DNAJC5: variants seen among roughly 807,000 people sequenced by gnomAD.
The protein encoded by DNAJC5 is dnaJ homolog subfamily C member 5.
A neutral mutation model predicts 23.2 loss-of-function variants in DNAJC5; 1 was observed. The observed-to-expected ratio is 0.04, with a 90% CI of 0.02 to 0.20. The LOEUF is 0.20. Ranked by LOEUF, DNAJC5 falls within the 10% of genes least tolerant of loss-of-function variation. The pLI, the probability that DNAJC5 is intolerant of heterozygous loss-of-function variation, is 1.00. For missense variants in DNAJC5, 180 were observed against 267.0 expected, an observed-to-expected ratio of 0.67 and a Z score of 2.27; for synonymous variants, 136 against 120.0, an observed-to-expected ratio of 1.13 and a Z score of -0.87.
At chr20:63,907,483 A>T (rs576588993) in intron 1 of DNAJC5, among the ~76,000 whole-genome samples, 5 of 152,278 alleles carry the variant, frequency 3.3e-5, no homozygotes, top group African/African-American at 1.2e-4. Context: ...GGAGATCGAC[A>T]TGGGGAGGTG....
rs753629562 is a variant in DNAJC5 at position 63,928,315 on chromosome 20, CTTTT to C, written c.-11-18_-11-15del. 3 of 1,592,106 alleles carry C rather than the reference CTTTT, an allele frequency of 1.9e-6. No homozygotes were observed. The highest frequency in any genetic ancestry group is 1.7e-5 in the Admixed American group (1 of 59,986). ...TTTCATCTATACTTTGTGATACTTT[CTTTT>C]TATTTTTTCTTCTAGAATAGCCTAA... On this transcript the variant is annotated splice_polypyrimidine_tract_variant and intron_variant, in intron 1 of 4. Coordinates refer to ENST00000360864, the MANE Select transcript of DNAJC5 (RefSeq NM_025219.3). This position sits in a 1 kb window ranked among gnomAD's most constrained non-coding sequence, Gnocchi z 4.6.
At chr20:63,919,309 T>G in intron 1 of DNAJC5, 3 of 467,680 alleles carry the variant, frequency 6.4e-6, no homozygotes, top group Admixed American at 4.4e-5. Context: ...GCGAGGCATG[T>G]GATCGATGCA....
At chr20:63,923,555 ACT>A (rs772667346) in intron 1 of DNAJC5, among the ~76,000 whole-genome samples, 2 of 152,014 alleles carry the variant, frequency 1.3e-5, no homozygotes, top group South Asian at 4.2e-4. Context: ...CAAGATCCTG[ACT>A]CTATAAAAAT....
rs1204555286 is a variant in DNAJC5 at position 63,931,221 on chromosome 20, C to T, written c.493+199C>T. Reference sequence around the variant, plus strand: ...ATAGAGCTGTCCCCGCCGTGACCTGCGGTAGCCGTAGATCCCAGGGACTGC... The same window carrying T: ...ATAGAGCTGTCCCCGCCGTGACCTGTGGTAGCCGTAGATCCCAGGGACTGC... On this transcript the variant is annotated intron_variant, in intron 4 of 4. Transcript: ENST00000360864. This position sits in a 1 kb window ranked among gnomAD's most constrained non-coding sequence, Gnocchi z 9.6. 1.3e-5 allele frequency: 10 copies of T among 795,038 alleles called. No individual in the cohort carries two copies. Among genetic ancestry groups the T allele is most frequent in the African/African-American group, 3.4e-5 (2 of 58,924 alleles). 49.2% of individuals were successfully genotyped at this position (795,038 alleles called of 1,614,324 possible).
chr20:63,931,693 C>G lies in DNAJC5; in HGVS notation c.*125C>G. 3 of 952,464 alleles carry G rather than the reference C, an allele frequency of 3.1e-6. No individual in the cohort carries two copies. Among genetic ancestry groups the G allele is most frequent in the Non-Finnish European group, 4.9e-6 (3 of 614,948 alleles). 59.0% of individuals were successfully genotyped at this position (952,464 alleles called of 1,614,324 possible). On this transcript the variant is annotated 3_prime_UTR_variant, in exon 5 of 5. Transcript: ENST00000360864. This position sits in a 1 kb window ranked among gnomAD's most constrained non-coding sequence, Gnocchi z 9.6. ...CTGCCCTGGCCTTGCTGGGGCCCCT[C>G]CTGCCTCCACGCCCACCCAGCGTCG...
intron 1 of DNAJC5, among the ~76,000 whole-genome samples, chr20:63,927,657 G>C (rs1170605037): frequency 6.6e-6 from 1 of 152,126 alleles, no homozygotes; most frequent in East Asian, 1.9e-4. Context: ...CTGATTTTTG[G>C]TCTGTTCTGT....
At chr20:63,926,703 C>T (rs2053619060) in intron 1 of DNAJC5, among the ~76,000 whole-genome samples, 1 of 152,192 alleles carries the variant, frequency 6.6e-6, no homozygotes, top group Admixed American at 6.6e-5. Context: ...AAACCCAGGC[C>T]AACTCCTCCT....
chr20:63,902,396 ACTC>A (rs1301243252), intron 1 of DNAJC5, among the ~76,000 whole-genome samples: 6 of 82,446 alleles, frequency 7.3e-5, no homozygotes, highest in Non-Finnish European at 1.3e-4. Flanking sequence ...ACGGAGTTTC[ACTC>A]TTGTTTCCCA....
Position 63,934,328 on chromosome 20 carries a change from C to A in DNAJC5, c.*2760C>A, listed in dbSNP as rs1412379377. On this transcript the variant is annotated 3_prime_UTR_variant, in exon 5 of 5. Coordinates refer to ENST00000360864, the MANE Select transcript of DNAJC5 (RefSeq NM_025219.3). ...ATCAGGACGCCCCCAGCACCCCTGC[C>A]TGCTTTTGCTGGTGGCAGTGACGGG... 1.3e-5 allele frequency: 2 copies of A among 152,300 alleles called. No homozygotes were observed. Among genetic ancestry groups the A allele is most frequent in the Non-Finnish European group, 2.9e-5 (2 of 68,112 alleles). The allele number at this position is 152,300 out of a possible 1,614,324, so 9.4% of individuals were successfully genotyped here. A position where few individuals can be genotyped will look rare whatever the true frequency, so the allele number is the denominator to read the frequency against.
chr20:63,905,613 G>T (rs1412907833), intron 1 of DNAJC5, among the ~76,000 whole-genome samples: 1 of 150,898 alleles, frequency 6.6e-6, no homozygotes, highest in African/African-American at 2.4e-5. Context: ...TGTCACCCAG[G>T]CTGGAGTGCA....
intron 1 of DNAJC5, among the ~76,000 whole-genome samples, chr20:63,906,836 G>T (rs554320193): frequency 6.6e-6 from 1 of 151,880 alleles, no homozygotes; most frequent in Non-Finnish European, 1.5e-5. Context: ...GGGTGCCATC[G>T]CTCGCACCTG....
At chr20:63,905,582 T>C (rs1460539156) in intron 1 of DNAJC5, among the ~76,000 whole-genome samples, 8 of 151,282 alleles carry the variant, frequency 5.3e-5, no homozygotes, top group Non-Finnish European at 1.0e-4. Context: ...TTTTTTTTTT[T>C]TTTTCACGGA....
intron 1 of DNAJC5, among the ~76,000 whole-genome samples, chr20:63,907,955 T>C (rs1357335752): frequency 6.6e-6 from 1 of 151,982 alleles, no homozygotes; most frequent in East Asian, 1.9e-4. Context: ...TTTAGTAGAG[T>C]CGGGGTTTCA....
At position 63,929,232 on chromosome 20, in the gene DNAJC5, G is replaced by T. The variant is rs551721376; in HGVS notation, c.108-80G>T. The T allele has an allele frequency of 9.3e-6, 14 of 1,499,844 alleles. No individual in the cohort carries two copies. In the South Asian group the frequency reaches 1.7e-4, roughly 18 times the overall value. The allele number at this position is 1,499,844 out of a possible 1,614,324, so 92.9% of individuals were successfully genotyped here. On this transcript the variant is annotated intron_variant, in intron 2 of 4. Transcript: ENST00000360864. This position sits in a 1 kb window ranked among gnomAD's most constrained non-coding sequence, Gnocchi z 8.6. ...TGCCTTCCACTGCACCCGGCAGTGC[G>T]TGCGGGTGGGATGGACGCGGCGGCG...
chr20:63,905,056 C>T (rs1471728458), intron 1 of DNAJC5, among the ~76,000 whole-genome samples: 1 of 150,098 alleles, frequency 6.7e-6, no homozygotes, highest in Non-Finnish European at 1.5e-5. Context: ...CCGCCTGCCT[C>T]GGCCTCCCAA....
chr20:63,913,311 G>C (rs4809248), intron 1 of DNAJC5, among the ~76,000 whole-genome samples: 52,086 of 151,746 alleles, frequency 0.34, 10,654 homozygotes, highest in East Asian at 0.81. Flanking sequence ...CTCTCCTCCC[G>C]CTTCTCCTCA....
At chr20:63,909,482 G>A (rs373105376) in intron 1 of DNAJC5, among the ~76,000 whole-genome samples, 23 of 152,236 alleles carry the variant, frequency 1.5e-4, no homozygotes, top group South Asian at 8.3e-4. Flanking sequence ...CAGCCTGGGC[G>A]ACAGAGCGAG....
chr20:63,919,507 T>C (rs1278164057), intron 1 of DNAJC5: 1 of 372,478 alleles, frequency 2.7e-6, no homozygotes, highest in South Asian at 1.8e-5. Flanking sequence ...CCCGGCTGTG[T>C]GCACATGTGC....
At chr20:63,925,353 C>T (rs376263558) in intron 1 of DNAJC5, among the ~76,000 whole-genome samples, 1 of 152,078 alleles carries the variant, frequency 6.6e-6, no homozygotes, top group African/African-American at 2.4e-5. Flanking sequence ...GCGTGGTTCG[C>T]GTGCCTGTAG....
Sources: gnomAD v4.1 joint callset for allele counts (sites outside exome capture counted in the v4.1 genomes callset) on GRCh38, gnomAD v4.1.1 for gene constraint, Gnocchi (gnomAD v3.1) non-coding constraint, MANE v1.5 for transcripts, NCBI Gene and HGNC (gene_info 2026-07-23, HGNC 2026-07-21) for gene names.